The following RALY variants were observed in gnomAD, a reference collection of about 807,000 sequenced individuals.
RALY encodes RNA-binding protein Raly.
A neutral mutation model predicts 30.7 loss-of-function variants in RALY; 15 were observed. That is an observed-to-expected ratio of 0.49 (90% CI 0.33 to 0.75). The LOEUF (loss-of-function observed/expected upper bound fraction) is 0.75. RALY is among the 30% of genes least tolerant of loss of function. RALY has a pLI of 0.02. For missense variants in RALY, 339 were observed against 414.3 expected (o/e 0.82, Z 1.58); for synonymous variants, 177 against 170.8 (o/e 1.04, Z -0.28).
Position 34,080,907 on chromosome 20 carries a change from A to G in RALY, c.*1002A>G, listed in dbSNP as rs1013047253. 6.6e-6 allele frequency: 1 copy of G among 152,258 alleles called. No individual in the cohort carries two copies. The highest frequency in any genetic ancestry group is 2.4e-5 in the African/African-American group (1 of 41,440). 9.4% of individuals were successfully genotyped at this position (152,258 alleles called of 1,614,324 possible). ...CTCCGGGCAGGTTTGGTAGCAAGGAATAGAGCGTACTCCAGTGACAGCAAT... is the reference window on the plus strand; with the variant it reads ...CTCCGGGCAGGTTTGGTAGCAAGGAGTAGAGCGTACTCCAGTGACAGCAAT... On this transcript the variant is annotated 3_prime_UTR_variant, in exon 10 of 10. Transcript: ENST00000246194.
At chr20:33,998,680 G>A (rs2030757944) in intron 1 of RALY, among the ~76,000 whole-genome samples, 1 of 152,152 alleles carries the variant, frequency 6.6e-6, no homozygotes, top group Non-Finnish European at 1.5e-5. Flanking sequence ...ATGATTCAAT[G>A]TGCATTTTGG....
intron 2 of RALY, among the ~76,000 whole-genome samples, chr20:34,053,312 G>C (rs2123182479): frequency 6.7e-6 from 1 of 149,436 alleles, no homozygotes; most frequent in South Asian, 2.1e-4. Flanking sequence ...TCCAGGGTTT[G>C]ACGGCAAATT....
intron 2 of RALY, among the ~76,000 whole-genome samples, chr20:34,044,159 G>GT (rs2032795314): frequency 6.6e-6 from 1 of 152,084 alleles, no homozygotes; most frequent in South Asian, 2.1e-4. Flanking sequence ...TGTGGTTAGG[G>GT]TTAAAGTTAC....
intron 2 of RALY, among the ~76,000 whole-genome samples, chr20:34,071,075 C>T (rs80312823): frequency 0.018 from 2,810 of 152,212 alleles, 83 homozygotes; most frequent in African/African-American, 0.065. Context: ...ATCATGAGAG[C>T]AGCACCAAGG....
At chr20:34,008,000 A>G (rs531162602) in intron 1 of RALY, among the ~76,000 whole-genome samples, 2 of 152,096 alleles carry the variant, frequency 1.3e-5, no homozygotes, top group Non-Finnish European at 2.9e-5. Flanking sequence ...AGACAAGGTC[A>G]TTGTGGGACT....
chr20:34,051,703 C>G (rs1362740686), intron 2 of RALY, among the ~76,000 whole-genome samples: 1 of 152,152 alleles, frequency 6.6e-6, no homozygotes, highest in Non-Finnish European at 1.5e-5. Flanking sequence ...TCATGCCATT[C>G]TCCTGCCTCA....
At chr20:34,005,495 G>A (rs2031118066) in intron 1 of RALY, among the ~76,000 whole-genome samples, 1 of 151,144 alleles carries the variant, frequency 6.6e-6, no homozygotes, top group South Asian at 2.1e-4. Flanking sequence ...GTGACAGAGT[G>A]AGACTCTTTC....
Position 34,080,021 on chromosome 20 carries a change from AGCAGGC to A in RALY, c.*119_*124del, listed in dbSNP as rs2034001331. ...CAGCGGGTACCAGAGGAAAGCTGGC[AGCAGGC>A]GCCTCCTCCCCCAACGCATCCCAGC... On this transcript the variant is annotated 3_prime_UTR_variant, in exon 10 of 10. Transcript: ENST00000246194. The A allele has an allele frequency of 6.6e-6, 1 of 152,558 alleles. No individual in the cohort carries two copies. Among genetic ancestry groups the A allele is most frequent in the African/African-American group, 2.4e-5 (1 of 41,468 alleles). 9.5% of individuals were successfully genotyped at this position (152,558 alleles called of 1,614,324 possible).
At position 34,046,291 on chromosome 20, in the gene RALY, T is replaced by C. The variant is rs76057879; in HGVS notation, c.-10+14687T>C. Among the ~76,000 whole-genome samples the C allele has an allele frequency of 8.0e-3, 1,223 of 152,274 alleles. 20 individuals carry two copies. The highest frequency in any genetic ancestry group is 0.028 in the African/African-American group (1,159 of 41,548). ...AAAGAGGATAAAGTTTGGAGTTGGA[T>C]ATAGTTGGATTTGAATCCCAGCTTT... is the stretch of plus-strand genomic sequence containing the variant. On this transcript the variant is annotated intron_variant, in intron 2 of 9. Coordinates refer to ENST00000246194, the MANE Select transcript of RALY (RefSeq NM_016732.3).
intron 1 of RALY, among the ~76,000 whole-genome samples, chr20:33,995,626 G>A (rs535377146): frequency 6.6e-6 from 1 of 152,266 alleles, no homozygotes; most frequent in South Asian, 2.1e-4. Context: ...TTAGTTCTTT[G>A]GAGTCTGGTA....
At chr20:34,017,432 T>A (rs1160583971) in intron 1 of RALY, 9 of 152,254 alleles carry the variant, frequency 5.9e-5, no homozygotes, top group Admixed American at 5.9e-4. Flanking sequence ...CTTACCCTTC[T>A]ACAGACTGAA....
intron 1 of RALY, among the ~76,000 whole-genome samples, chr20:34,024,612 C>A (rs1406448980): frequency 6.6e-6 from 1 of 152,096 alleles, no homozygotes; most frequent in Non-Finnish European, 1.5e-5. Flanking sequence ...GGCTCAAGAC[C>A]CCTAATGTCA....
chr20:34,002,878 T>G (rs920541860), intron 1 of RALY, among the ~76,000 whole-genome samples: 2 of 152,256 alleles, frequency 1.3e-5, no homozygotes, highest in Non-Finnish European at 1.5e-5. Flanking sequence ...TAAGTTTTAT[T>G]ATGCTCTATT....
intron 2 of RALY, among the ~76,000 whole-genome samples, chr20:34,058,379 TTAA>T (rs1178949689): frequency 6.6e-6 from 1 of 152,156 alleles, no homozygotes; most frequent in Non-Finnish European, 1.5e-5. Flanking sequence ...ACCAAGTTTA[TTAA>T]TGATGCTGCT....
intron 1 of RALY, among the ~76,000 whole-genome samples, chr20:33,995,951 A>T (rs2030601989): frequency 6.6e-6 from 1 of 152,198 alleles, no homozygotes; most frequent in Non-Finnish European, 1.5e-5. Flanking sequence ...ATCCCAAGGA[A>T]GTTTTATAGT....
At chr20:34,013,250 A>C (rs2031479929) in intron 1 of RALY, among the ~76,000 whole-genome samples, 1 of 151,814 alleles carries the variant, frequency 6.6e-6, no homozygotes, top group South Asian at 2.1e-4. Flanking sequence ...AACAAACAAA[A>C]TAAAAAAAAA....
intron 2 of RALY, among the ~76,000 whole-genome samples, chr20:34,062,275 A>G (rs192353744): frequency 3.2e-4 from 49 of 152,310 alleles, no homozygotes; most frequent in Admixed American, 2.7e-3. Flanking sequence ...TTCTCTGAAC[A>G]TCCTACATAC....
intron 2 of RALY, among the ~76,000 whole-genome samples, chr20:34,059,858 C>G (rs1384890862): frequency 6.6e-6 from 1 of 152,174 alleles, no homozygotes; most frequent in Non-Finnish European, 1.5e-5. Context: ...CCTTGGGGCC[C>G]TGTTGCCCAG....
intron 1 of RALY, among the ~76,000 whole-genome samples, chr20:34,008,779 C>A (rs183981370): frequency 6.6e-6 from 1 of 152,188 alleles, no homozygotes; most frequent in Non-Finnish European, 1.5e-5. Context: ...ACGCCTCAGT[C>A]TCCTGAGTAG....
Sources: allele counts gnomAD v4.1 joint callset (sites outside exome capture counted in the v4.1 genomes callset), GRCh38; gene constraint gnomAD v4.1.1; transcripts MANE v1.5; gene names NCBI Gene and HGNC (gene_info 2026-07-23, HGNC 2026-07-21).